KCTD1: variants seen among roughly 807,000 people sequenced by gnomAD.
KCTD1 encodes the protein potassium channel tetramerization domain containing 1.
In KCTD1, 24 loss-of-function variants were observed where a neutral mutation model predicts 66.0. The observed-to-expected ratio is 0.36, with a 90% CI of 0.26 to 0.51. KCTD1 has a LOEUF of 0.51. Among genes scored for constraint, KCTD1 ranks in the 20% least tolerant of loss-of-function variants. The pLI is 0.95. For missense variants in KCTD1, 943 were observed against 1,205.2 expected (o/e 0.78, Z 3.22); for synonymous variants, 511 against 517.2 (o/e 0.99, Z 0.16).
chr18:26,571,991 T>C (rs1598946888), intron 1 of KCTD1, among the ~76,000 whole-genome samples: 1 of 152,094 alleles, frequency 6.6e-6, no homozygotes, highest in Non-Finnish European at 1.5e-5. Flanking sequence ...TAATTCTGTA[T>C]TCATTAAAAA....
chr18:26,599,830 G>T, intron 1 of KCTD1: 1 of 1,558,896 alleles, frequency 6.4e-7, no homozygotes, highest in South Asian at 1.1e-5. Flanking sequence ...AATACAGTCT[G>T]TTCGAGAACA....
chr18:26,588,641 A>G (rs1986524546), intron 1 of KCTD1, among the ~76,000 whole-genome samples: 1 of 152,152 alleles, frequency 6.6e-6, no homozygotes. Flanking sequence ...GGGGCCCAGA[A>G]AGCATTTCTT....
At chr18:26,548,634 G>A, upstream of KCTD1, 6 of 1,142,482 alleles carry the variant, frequency 5.3e-6, no homozygotes, top group Non-Finnish European at 6.5e-6. Flanking sequence ...GCTACCGGGA[G>A]GCAAAGCCGG....
At chr18:26,521,965 T>C (rs1332336063) in intron 1 of KCTD1, among the ~76,000 whole-genome samples, 1 of 152,110 alleles carries the variant, frequency 6.6e-6, no homozygotes, top group Non-Finnish European at 1.5e-5. Context: ...ATATGAACCA[T>C]ACCTCAATAA....
chr18:26,640,132 G>A (rs1203065071), intron 1 of KCTD1, among the ~76,000 whole-genome samples: 1 of 152,146 alleles, frequency 6.6e-6, no homozygotes, highest in Non-Finnish European at 1.5e-5. Flanking sequence ...AGAGAGGGTA[G>A]ATGAGTAAGT....
chr18:26,462,582 C>T (rs1227910569), intron 3 of KCTD1, among the ~76,000 whole-genome samples: 3 of 152,224 alleles, frequency 2.0e-5, no homozygotes, highest in African/African-American at 4.8e-5. Context: ...AATGATCCTT[C>T]TTGCTGCGTT....
At chr18:26,544,237 C>G (rs1237433885) in intron 1 of KCTD1, 1 of 152,160 alleles carries the variant, frequency 6.6e-6, no homozygotes, top group Admixed American at 6.5e-5. Context: ...TCACTCCCCC[C>G]AAAAGCCAGA....
chr18:26,533,972 G>A (rs1336084740), intron 1 of KCTD1, among the ~76,000 whole-genome samples: 1 of 152,012 alleles, frequency 6.6e-6, no homozygotes, highest in African/African-American at 2.4e-5. Flanking sequence ...AACACATTTG[G>A]AATATGGTTT....
intron 1 of KCTD1, among the ~76,000 whole-genome samples, chr18:26,509,213 T>C (rs115944078): frequency 6.6e-6 from 1 of 151,198 alleles, no homozygotes; most frequent in Non-Finnish European, 1.5e-5. Flanking sequence ...ACTGTATGCA[T>C]AATTTATTTA....
At chr18:26,603,751 A>AAATAAAT (rs1568006899) in intron 1 of KCTD1, among the ~76,000 whole-genome samples, 8,322 of 146,800 alleles carry the variant, frequency 0.057, 281 homozygotes, top group Non-Finnish European at 0.064. Flanking sequence ...TCAAAAAAAT[A>AAATAAAT]AAATAAATAA....
chr18:26,570,821 T>G (rs1254997915), intron 1 of KCTD1, among the ~76,000 whole-genome samples: 2 of 152,222 alleles, frequency 1.3e-5, no homozygotes, highest in Non-Finnish European at 2.9e-5. Flanking sequence ...CCATCATAAG[T>G]CAGAGATGTC....
At chr18:26,626,544 C>T (rs529809518) in intron 1 of KCTD1, among the ~76,000 whole-genome samples, 9 of 147,040 alleles carry the variant, frequency 6.1e-5, no homozygotes, top group South Asian at 4.3e-4. Flanking sequence ...GGTGCAATTA[C>T]GGCTCACCAC....
At chr18:26,518,506 T>A (rs1450568021) in intron 1 of KCTD1, among the ~76,000 whole-genome samples, 2 of 152,192 alleles carry the variant, frequency 1.3e-5, no homozygotes, top group African/African-American at 4.8e-5. Context: ...CCTTGTGATC[T>A]GCCCACCTTG....
At chr18:26,560,799 C>T (rs183517079) in intron 1 of KCTD1, among the ~76,000 whole-genome samples, 4 of 152,312 alleles carry the variant, frequency 2.6e-5, no homozygotes, top group South Asian at 4.1e-4. Context: ...GAAACAACCA[C>T]GTGGGTGTAG....
chr18:26,469,914 C>T (rs1418845744), intron 3 of KCTD1, among the ~76,000 whole-genome samples: 2 of 148,192 alleles, frequency 1.3e-5, no homozygotes, highest in African/African-American at 5.1e-5. Context: ...GTGCCACTGC[C>T]CATCTCAAAA....
Position 26,455,386 on chromosome 18 carries a change from A to G in KCTD1, c.*357T>C, listed in dbSNP as rs1032308197. On this transcript the variant is annotated 3_prime_UTR_variant, in exon 5 of 5. Coordinates refer to ENST00000580059, the MANE Select transcript of KCTD1 (RefSeq NM_001142730.3). ...GTTGTTGGCAATGGAAACTGTAAGG[A>G]GACTGTGTCCTCACCACTCATGGCT... 1.9e-5 allele frequency: 3 copies of G among 155,786 alleles called. No homozygotes were observed. Among genetic ancestry groups the G allele is most frequent in the African/African-American group, 7.2e-5 (3 of 41,488 alleles). The allele number at this position is 155,786 out of a possible 1,614,324, so 9.7% of individuals were successfully genotyped here.
chr18:26,550,573 C>G (rs74929577), upstream of KCTD1, among the ~76,000 whole-genome samples: 116 of 129,270 alleles, frequency 9.0e-4, no homozygotes, highest in African/African-American at 3.1e-3. This position sits in a 1 kb window ranked among gnomAD's most constrained non-coding sequence, Gnocchi z 5.4. Flanking sequence ...CAGACACACA[C>G]ACACACACAC....
intron 3 of KCTD1, among the ~76,000 whole-genome samples, chr18:26,462,683 G>A (rs766788041): frequency 6.6e-6 from 1 of 152,118 alleles, no homozygotes; most frequent in Non-Finnish European, 1.5e-5. Flanking sequence ...TCTAACACCC[G>A]CCTACAGTCT....
In KCTD1 at chr18:26,461,122, C is replaced by G. The variant is rs143900233; in HGVS notation, c.2134-1197G>C. 1.9e-3 allele frequency among the ~76,000 whole-genome samples: 287 copies of G among 152,356 alleles called. 2 individuals are homozygous for G. Among genetic ancestry groups the G allele is most frequent in the African/African-American group, 6.7e-3 (278 of 41,580 alleles). On this transcript the variant is annotated intron_variant, in intron 3 of 4. Transcript: ENST00000580059. ...TCCAGATGGGCTAGAGTATGAGAAG[C>G]ACAAGATGACCATGGGATAAATATT...
Sources: gnomAD v4.1 joint callset for allele counts (sites outside exome capture counted in the v4.1 genomes callset) on GRCh38, gnomAD v4.1.1 for gene constraint, Gnocchi (gnomAD v3.1) non-coding constraint, MANE v1.5 for transcripts, NCBI Gene and HGNC (gene_info 2026-07-23, HGNC 2026-07-21) for gene names.